ATP8A1: variants seen among roughly 807,000 people sequenced by gnomAD.
The protein encoded by ATP8A1 is phospholipid-transporting ATPase IA.
ATP8A1 carries 90 observed loss-of-function variants against 177.7 expected under a neutral mutation model. That is an observed-to-expected ratio of 0.51 (90% CI 0.43 to 0.60). The LOEUF (loss-of-function observed/expected upper bound fraction) is 0.60, where lower values mean the gene tolerates loss of function less well. ATP8A1 is among the 20% of genes least tolerant of loss of function. ATP8A1 has a pLI of 0.00. For synonymous variants in ATP8A1, 493 were observed against 485.9 expected, an observed-to-expected ratio of 1.01 and a Z score of -0.19; for missense variants, 1,072 against 1,392.8, an observed-to-expected ratio of 0.77 and a Z score of 3.67.
At position 42,581,608 on chromosome 4, in the gene ATP8A1, A is replaced by G; in HGVS notation, c.834+13T>C. 1.9e-6 allele frequency: 3 copies of G among 1,598,870 alleles called. No individual in the cohort carries two copies. Among genetic ancestry groups the G allele is most frequent in the Non-Finnish European group, 2.6e-6 (3 of 1,166,146 alleles). ...GCCTTAGGTCCAAAAGGTTTCATAGAGAAAAATTTCACCTGCATCAGCTTG... is the reference window on the plus strand; with the variant it reads ...GCCTTAGGTCCAAAAGGTTTCATAGGGAAAAATTTCACCTGCATCAGCTTG... On this transcript the variant is annotated intron_variant, in intron 10 of 36. Transcript: ENST00000381668.
At chr4:42,533,189 T>C (rs939253640) in intron 20 of ATP8A1, among the ~76,000 whole-genome samples, 3 of 152,232 alleles carry the variant, frequency 2.0e-5, no homozygotes, top group Non-Finnish European at 4.4e-5. Context: ...GCAGGCTCCA[T>C]GGGACAGCTG....
chr4:42,571,121 G>A (rs983592744), intron 14 of ATP8A1, among the ~76,000 whole-genome samples: 14 of 152,146 alleles, frequency 9.2e-5, no homozygotes, highest in African/African-American at 3.1e-4. Context: ...ATGGTGAGCA[G>A]TAAGATAAAC....
At chr4:42,429,252 C>A (rs1388103196) in intron 33 of ATP8A1, among the ~76,000 whole-genome samples, 1 of 152,160 alleles carries the variant, frequency 6.6e-6, no homozygotes, top group Non-Finnish European at 1.5e-5. Flanking sequence ...ATGTAGGCTG[C>A]CTTTTCTGTT....
chr4:42,473,457 A>T (rs559874367), intron 25 of ATP8A1, among the ~76,000 whole-genome samples: 4 of 152,170 alleles, frequency 2.6e-5, no homozygotes, highest in African/African-American at 9.6e-5. Context: ...ACTGGGAAGC[A>T]CTTCTATTCA....
intron 5 of ATP8A1, among the ~76,000 whole-genome samples, chr4:42,611,083 A>G (rs1253574353): frequency 6.6e-6 from 1 of 152,194 alleles, no homozygotes; most frequent in African/African-American, 2.4e-5. Flanking sequence ...AACACATTCA[A>G]TCCACATCAA....
At chr4:42,520,602 T>C (rs1449043701) in intron 22 of ATP8A1, among the ~76,000 whole-genome samples, 3 of 151,994 alleles carry the variant, frequency 2.0e-5, no homozygotes, top group Non-Finnish European at 2.9e-5. Flanking sequence ...AAGAGAGACA[T>C]TGAAATAAGT....
intron 5 of ATP8A1, among the ~76,000 whole-genome samples, chr4:42,610,000 C>A (rs1361312693): frequency 6.6e-6 from 1 of 152,066 alleles, no homozygotes; most frequent in African/African-American, 2.4e-5. Context: ...CAGAGTACAT[C>A]TCATGTCTTC....
intron 15 of ATP8A1, among the ~76,000 whole-genome samples, chr4:42,564,988 A>T (rs1409312203): frequency 2.0e-5 from 3 of 152,074 alleles, no homozygotes; most frequent in Non-Finnish European, 4.4e-5. Context: ...TCTTATGGTT[A>T]TTATAAGGGG....
At chr4:42,499,726 C>G (rs1047422135) in intron 24 of ATP8A1, among the ~76,000 whole-genome samples, 1 of 152,148 alleles carries the variant, frequency 6.6e-6, no homozygotes, top group Admixed American at 6.5e-5. Flanking sequence ...AGTTGATGTG[C>G]CATGGAGGAT....
Position 42,465,893 on chromosome 4 carries a change from G to A in ATP8A1, c.2325-817C>T, listed in dbSNP as rs1017292115. ...TAAAAATACAAAAAATTAGCCGGGC[G>A]TGGTGGCGGGCGCCTGTAGTCCCAG... On this transcript the variant is annotated intron_variant, in intron 25 of 36. Coordinates refer to ENST00000381668, the MANE Select transcript of ATP8A1 (RefSeq NM_006095.2). Among the ~76,000 whole-genome samples, 9 of 151,772 alleles carry A rather than the reference G, an allele frequency of 5.9e-5. No individual in the cohort carries two copies. The East Asian group carries it at 1.4e-3, about 23-fold the overall frequency.
intron 27 of ATP8A1, among the ~76,000 whole-genome samples, chr4:42,457,236 G>A (rs916321585): frequency 3.9e-5 from 6 of 152,202 alleles, no homozygotes; most frequent in Non-Finnish European, 7.4e-5. Context: ...TTCACATGAA[G>A]TGAAGTTTAT....
At chr4:42,526,658 G>T (rs1387540635) in intron 20 of ATP8A1, among the ~76,000 whole-genome samples, 2 of 152,084 alleles carry the variant, frequency 1.3e-5, no homozygotes, top group Admixed American at 6.6e-5. Flanking sequence ...CAGGTCCCAT[G>T]GCCTATTGTG....
intron 16 of ATP8A1, among the ~76,000 whole-genome samples, chr4:42,555,144 ATCTATCT>A (rs1560454793): frequency 1.5e-3 from 83 of 57,210 alleles, no homozygotes; most frequent in South Asian, 6.5e-3. Context: ...TATCTAATCT[ATCTATCT>A]ATCTATCTAT....
At chr4:42,443,744 T>A in intron 32 of ATP8A1, 72 bp from the exon 33 acceptor site, 1 of 720,108 alleles carries the variant, frequency 1.4e-6, no homozygotes. Flanking sequence ...TGAAACTCTC[T>A]CAAATTCCCT....
At chr4:42,443,902 T>C (rs1716919543) in intron 32 of ATP8A1, among the ~76,000 whole-genome samples, 1 of 152,228 alleles carries the variant, frequency 6.6e-6, no homozygotes. Flanking sequence ...GTTCCTCCTC[T>C]AGCTTTTTTG....
chr4:42,654,669 CTAACTT>C (rs1741446153), intron 1 of ATP8A1, among the ~76,000 whole-genome samples: 1 of 152,200 alleles, frequency 6.6e-6, no homozygotes, highest in Non-Finnish European at 1.5e-5. Context: ...CTCTAAATCT[CTAACTT>C]TAATGTTTTC....
intron 20 of ATP8A1, among the ~76,000 whole-genome samples, chr4:42,542,341 A>G (rs1381268732): frequency 1.3e-5 from 2 of 152,186 alleles, no homozygotes; most frequent in Non-Finnish European, 2.9e-5. Flanking sequence ...GTAGAAGATG[A>G]TTCCAAACTA....
chr4:42,563,271 A>AT (rs1345060653), intron 15 of ATP8A1, among the ~76,000 whole-genome samples: 1 of 152,228 alleles, frequency 6.6e-6, no homozygotes, highest in Admixed American at 6.5e-5. Flanking sequence ...GACTGGCAGC[A>AT]TTTTGCCCCT....
At chr4:42,551,840 T>C (rs570494195) in intron 17 of ATP8A1, among the ~76,000 whole-genome samples, 11 of 152,324 alleles carry the variant, frequency 7.2e-5, no homozygotes, top group Non-Finnish European at 1.5e-4. Context: ...ACAATTCTTA[T>C]GCTTTTAAGG....
Sources: gnomAD v4.1 joint callset for allele counts (sites outside exome capture counted in the v4.1 genomes callset) on GRCh38, gnomAD v4.1.1 for gene constraint, MANE v1.5 for transcripts, NCBI Gene and HGNC (gene_info 2026-07-23, HGNC 2026-07-21) for gene names.